The following CACNA1I variants were observed in gnomAD, a reference collection of about 807,000 sequenced individuals.
CACNA1I encodes voltage-dependent T-type calcium channel subunit alpha-1I.
In CACNA1I, 74 loss-of-function variants were observed where a neutral mutation model predicts 201.6. That is an observed-to-expected ratio of 0.37 (90% confidence interval 0.30 to 0.45). The LOEUF (loss-of-function observed/expected upper bound fraction) is 0.45, where lower values mean the gene tolerates loss of function less well. Ranked by LOEUF, CACNA1I falls within the 20% of genes least tolerant of loss-of-function variation. The pLI, the probability that CACNA1I is intolerant of heterozygous loss-of-function variation, is 1.00. For missense variants in CACNA1I, 2,346 were observed against 3,138.1 expected (o/e 0.75, Z 6.03); for synonymous variants, 1,431 against 1,345.2 (o/e 1.06, Z -1.40).
At chr22:39,646,527 A>ATCCCTG (rs202113710) in intron 7 of CACNA1I, 42 bp from the exon 8 acceptor site, 1 of 1,501,438 alleles carries the variant, frequency 6.7e-7, no homozygotes. Context: ...TGTCCCCTCC[A>ATCCCTG]TCCCTGTCCC....
At chr22:39,636,239 A>G (rs1056278449) in intron 5 of CACNA1I, among the ~76,000 whole-genome samples, 3 of 152,242 alleles carry the variant, frequency 2.0e-5, no homozygotes, top group Admixed American at 6.5e-5. Context: ...AGGCCCCATG[A>G]GATGGCCCCA....
rs151281782 is a variant in CACNA1I at position 39,667,047 on chromosome 22, C to G, written c.4104+1041C>G. Among the ~76,000 whole-genome samples, 416 of 152,360 alleles carry G rather than the reference C, an allele frequency of 2.7e-3. 2 individuals are homozygous for G. Among genetic ancestry groups the G allele is most frequent in the African/African-American group, 9.6e-3 (401 of 41,578 alleles). On this transcript the variant is annotated intron_variant, in intron 23 of 36. Transcript: ENST00000402142. ...AACCCTGCGTGGGGTGTTCTCTGTA[C>G]TCGGAGCCACCTGGAGGGTTCCAAC...
chr22:39,619,293 C>A lies in CACNA1I; in HGVS notation c.483-17C>A, dbSNP rs905834827. ...GGCCTCCAGCACCATCCCTCACTCT[C>A]TCTCCTTTCTCTGCAGGATGGTCGA... On this transcript the variant is annotated splice_polypyrimidine_tract_variant and intron_variant, in intron 3 of 36. Transcript: ENST00000402142. The A allele has an allele frequency of 6.3e-7, 1 of 1,596,098 alleles. No individual in the cohort carries two copies. Among genetic ancestry groups the A allele is most frequent in the African/African-American group, 1.3e-5 (1 of 74,862 alleles).
rs1290731832 is a variant in CACNA1I at position 39,648,237 on chromosome 22, A to G, written c.1567+311A>G. Reference sequence around the variant, plus strand: ...TGCCGCCCACCCGTCCTCGGGTGCCAGCCATCCAGGCGTGGGCTCGGAGGA... The same window carrying G: ...TGCCGCCCACCCGTCCTCGGGTGCCGGCCATCCAGGCGTGGGCTCGGAGGA... On this transcript the variant is annotated intron_variant, in intron 9 of 36. Coordinates refer to ENST00000402142, the MANE Select transcript of CACNA1I (RefSeq NM_021096.4). The surrounding 1 kb of genome is among the most constrained non-coding windows in gnomAD (Gnocchi z 5.4). 6.6e-6 allele frequency among the ~76,000 whole-genome samples: 1 copy of G among 152,078 alleles called. No homozygotes were observed. Among genetic ancestry groups the G allele is most frequent in the African/African-American group, 2.4e-5 (1 of 41,420 alleles).
rs535662417 is a variant in CACNA1I at position 39,618,510 on chromosome 22, G to A, written c.483-800G>A. 3.3e-5 allele frequency among the ~76,000 whole-genome samples: 5 copies of A among 152,226 alleles called. No homozygotes were observed. The East Asian group carries it at 9.6e-4, about 29-fold the overall frequency. ...GCGCTCCAGCGGGTGGGGGATGGAT[G>A]GTGGTGGCATTTCAGGGAACGAATG... is the stretch of plus-strand genomic sequence containing the variant. On this transcript the variant is annotated intron_variant, in intron 3 of 36. Coordinates refer to ENST00000402142, the MANE Select transcript of CACNA1I (RefSeq NM_021096.4).
chr22:39,652,474 C>T (rs1934680046), intron 10 of CACNA1I, among the ~76,000 whole-genome samples: 1 of 152,264 alleles, frequency 6.6e-6, no homozygotes, highest in Non-Finnish European at 1.5e-5. Flanking sequence ...TGAGCACCTA[C>T]TGCAGGCCAG....
chr22:39,688,897 G>A lies in CACNA1I; in HGVS notation c.*2492G>A, dbSNP rs1160863023. 1.3e-5 allele frequency: 2 copies of A among 152,524 alleles called. No homozygotes were observed. Among genetic ancestry groups the A allele is most frequent in the Non-Finnish European group, 2.9e-5 (2 of 68,156 alleles). 9.4% of individuals were successfully genotyped at this position (152,524 alleles called of 1,614,324 possible). ...AAGCTCCTTGCAGGGAGCACTGGGA[G>A]ATGGCCTGGCCCGTCCCAGGCTCCT... On this transcript the variant is annotated 3_prime_UTR_variant, in exon 37 of 37. Coordinates refer to ENST00000402142, the MANE Select transcript of CACNA1I (RefSeq NM_021096.4). This position sits in a 1 kb window ranked among gnomAD's most constrained non-coding sequence, Gnocchi z 4.8.
intron 4 of CACNA1I, 101 bp from the exon 5 acceptor site, chr22:39,634,464 A>C (rs1028658191): frequency 5.3e-6 from 6 of 1,125,772 alleles, no homozygotes; most frequent in African/African-American, 1.5e-5. Context: ...CTGATAATGC[A>C]TCCCCCTCCC....
At chr22:39,607,992 C>A (rs922409092) in intron 3 of CACNA1I, among the ~76,000 whole-genome samples, 5 of 151,504 alleles carry the variant, frequency 3.3e-5, no homozygotes, top group Admixed American at 3.3e-4. Context: ...TGGTGGCAGA[C>A]ACCTGTAATC....
At chr22:39,618,909 A>G (rs1423249086) in intron 3 of CACNA1I, among the ~76,000 whole-genome samples, 2 of 152,140 alleles carry the variant, frequency 1.3e-5, no homozygotes, top group Non-Finnish European at 2.9e-5. Context: ...TTGAGCATGG[A>G]AGGGATGTGG....
At position 39,689,555 on chromosome 22, in the gene CACNA1I, T is replaced by C. The variant is rs1601541045; in HGVS notation, c.*3150T>C. ...CACCTCCTCCAGAAAGCCCTCGGCC[T>C]GGGCCGCCGCCGTGACTCTAGCACT... On this transcript the variant is annotated 3_prime_UTR_variant, in exon 37 of 37. Transcript: ENST00000402142. The C allele has an allele frequency of 6.5e-6, 1 of 152,858 alleles. No individual in the cohort carries two copies. Among genetic ancestry groups the C allele is most frequent in the South Asian group, 2.1e-4 (1 of 4,840 alleles). 9.5% of individuals were successfully genotyped at this position (152,858 alleles called of 1,614,324 possible).
chr22:39,684,015 G>A lies in CACNA1I; in HGVS notation c.5831-287G>A, dbSNP rs1339431967. Among the ~76,000 whole-genome samples, 1 of 152,168 alleles carries A rather than the reference G, an allele frequency of 6.6e-6. No homozygotes were observed. The highest frequency in any genetic ancestry group is 1.5e-5 in the Non-Finnish European group (1 of 68,032). On this transcript the variant is annotated intron_variant, in intron 35 of 36. Coordinates refer to ENST00000402142, the MANE Select transcript of CACNA1I (RefSeq NM_021096.4). This position sits in a 1 kb window ranked among gnomAD's most constrained non-coding sequence, Gnocchi z 4.6. Reference sequence around the variant, plus strand: ...ATGGCATCTTGTTCCCTTTTACAGAGGAAGAGAGCTAGGCTTGAGCCCGCG... The same window carrying A: ...ATGGCATCTTGTTCCCTTTTACAGAAGAAGAGAGCTAGGCTTGAGCCCGCG...
At chr22:39,631,935 C>T (rs1287194612) in intron 4 of CACNA1I, among the ~76,000 whole-genome samples, 1 of 151,956 alleles carries the variant, frequency 6.6e-6, no homozygotes, top group Non-Finnish European at 1.5e-5. Flanking sequence ...CTAATTATGC[C>T]AGGGCTCTGT....
Position 39,679,884 on chromosome 22 carries a change from G to T in CACNA1I, c.5541+16G>T. On this transcript the variant is annotated intron_variant, in intron 33 of 36. Transcript: ENST00000402142. ...CAAGCAAGAGGTAATGGCAGCCCGG[G>T]AGGCCTGGCCCCTTGTGGCAGGGGC... is the stretch of plus-strand genomic sequence containing the variant. 2 of 1,608,174 alleles carry T rather than the reference G, an allele frequency of 1.2e-6. No homozygotes were observed. The highest frequency in any genetic ancestry group is 1.7e-6 in the Non-Finnish European group (2 of 1,177,470).
intron 1 of CACNA1I, among the ~76,000 whole-genome samples, chr22:39,592,492 C>T (rs868235869): frequency 7.2e-5 from 11 of 152,200 alleles, no homozygotes; most frequent in African/African-American, 2.7e-4. Flanking sequence ...TGCTCTCTAA[C>T]GACGCTGGCA....
At chr22:39,668,516 A>G in intron 24 of CACNA1I, 135 bp downstream of exon 24, 1 of 632,482 alleles carries the variant, frequency 1.6e-6, no homozygotes, top group Non-Finnish European at 2.9e-6. Flanking sequence ...AGCACAGCCC[A>G]CTCCTCACAT....
intron 33 of CACNA1I, among the ~76,000 whole-genome samples, chr22:39,680,137 G>A (rs189881205): frequency 1.0e-3 from 153 of 152,320 alleles, no homozygotes; most frequent in Non-Finnish European, 1.9e-3. Context: ...CTTGTGTGCT[G>A]CAGGTGCCAG....
chr22:39,651,070 G>T (rs1934632405), intron 10 of CACNA1I, among the ~76,000 whole-genome samples: 1 of 152,154 alleles, frequency 6.6e-6, no homozygotes, highest in Non-Finnish European at 1.5e-5. Context: ...CCCCTGGATG[G>T]GGTGACTCCC....
At position 39,665,248 on chromosome 22, in the gene CACNA1I, C is replaced by T. The variant is rs1935150713; in HGVS notation, c.3852-250C>T. Among the ~76,000 whole-genome samples the T allele has an allele frequency of 1.3e-5, 2 of 152,130 alleles. No homozygotes were observed. Among genetic ancestry groups the T allele is most frequent in the Non-Finnish European group, 2.9e-5 (2 of 67,988 alleles). ...AGCTGGGCACAGTGAGGGGTGAGGG[C>T]ACGTACCCTGCTGCTGCTGTAGATC... On this transcript the variant is annotated intron_variant, in intron 21 of 36. Transcript: ENST00000402142. The surrounding 1 kb of genome is among the most constrained non-coding windows in gnomAD (Gnocchi z 5.5).
Sources: gnomAD v4.1 joint callset for allele counts (sites outside exome capture counted in the v4.1 genomes callset) on GRCh38, gnomAD v4.1.1 for gene constraint, Gnocchi (gnomAD v3.1) non-coding constraint, MANE v1.5 for transcripts, NCBI Gene and HGNC (gene_info 2026-07-23, HGNC 2026-07-21) for gene names.